DYRK3: variants seen among roughly 807,000 people sequenced by gnomAD.
DYRK3 encodes dual specificity tyrosine-phosphorylation-regulated kinase 3.
DYRK3 carries 30 observed loss-of-function variants against 40.8 expected under a neutral mutation model. The observed-to-expected ratio is 0.74, with a 90% CI of 0.55 to 1.00. The LOEUF (loss-of-function observed/expected upper bound fraction) is 1.00, where lower values mean the gene tolerates loss of function less well. Among genes scored for constraint, DYRK3 ranks in the 50% least tolerant of loss-of-function variants. DYRK3 has a pLI of 0.00. For synonymous variants in DYRK3, 272 were observed against 260.7 expected (o/e 1.04, Z -0.42); for missense variants, 699 against 731.5 (o/e 0.96, Z 0.51).
In DYRK3 at chr1:206,635,568, T is replaced by A; in HGVS notation, c.-136T>A. The A allele has an allele frequency of 4.4e-6, 5 of 1,125,264 alleles. No homozygotes were observed. The highest frequency in any genetic ancestry group is 4.5e-6 in the Non-Finnish European group (4 of 891,140). The allele number at this position is 1,125,264 out of a possible 1,614,324, so 69.7% of individuals were successfully genotyped here. A position where few individuals can be genotyped will look rare whatever the true frequency, so the allele number is the denominator to read the frequency against. On this transcript the variant is annotated 5_prime_UTR_variant, in exon 1 of 3. Coordinates refer to ENST00000367109, the MANE Select transcript of DYRK3 (RefSeq NM_003582.4). ...AGCCGGGGCCAGTCGGGAGCGAAAG[T>A]GCGCTGAGCTGCAGTGTCTGGTCGA...
Position 206,635,855 on chromosome 1 carries a change from G to C in DYRK3, c.77+75G>C, listed in dbSNP as rs201941906. The stretch of plus-strand genomic sequence containing the variant: ...GCGCTGGCAAGCGAAGCTTGGGGGT[G>C]GGGAGGAGGTAGAGTGAGCCCTCAG... On this transcript the variant is annotated intron_variant, in intron 1 of 2. Transcript: ENST00000367109. The C allele has an allele frequency of 9.4e-4, 1,165 of 1,240,846 alleles. 18 individuals carry two copies. In the African/African-American group the frequency reaches 0.017, roughly 18 times the overall value. The allele number at this position is 1,240,846 out of a possible 1,614,324, so 76.9% of individuals were successfully genotyped here. A position where few individuals can be genotyped will look rare whatever the true frequency, so the allele number is the denominator to read the frequency against.
intron 1 of DYRK3, 184 bp downstream of exon 1, chr1:206,635,964 T>A: frequency 7.5e-7 from 1 of 1,335,710 alleles, no homozygotes; most frequent in Non-Finnish European, 9.6e-7. Flanking sequence ...CCCCCATCCC[T>A]GTCTCACCGG....
chr1:206,655,041 A>G lies in DYRK3; in HGVS notation c.*6076A>G, dbSNP rs1416290432. 6.6e-6 allele frequency among the ~76,000 whole-genome samples: 1 copy of G among 152,172 alleles called. No homozygotes were observed. Among genetic ancestry groups the G allele is most frequent in the Non-Finnish European group, 1.5e-5 (1 of 68,040 alleles). ...ACTTTGGTGTCATGGGATTCTGTCC[A>G]TTGTCCGTTTGAGTCTGCTGACATG... is the stretch of plus-strand genomic sequence containing the variant. On this transcript the variant is annotated 3_prime_UTR_variant, in exon 3 of 3. Transcript: ENST00000367109.
intron 2 of DYRK3, among the ~76,000 whole-genome samples, chr1:206,642,787 AG>A (rs1266493838): frequency 1.3e-5 from 2 of 151,670 alleles, no homozygotes; most frequent in African/African-American, 4.8e-5. Flanking sequence ...GGGTGGGAGG[AG>A]GGGGGAGGGA....
At chr1:206,644,198 C>A (rs531483178) in intron 2 of DYRK3, among the ~76,000 whole-genome samples, 1 of 152,088 alleles carries the variant, frequency 6.6e-6, no homozygotes, top group East Asian at 1.9e-4. Flanking sequence ...CCACACCTGG[C>A]TAATTTTTGT....
intron 2 of DYRK3, among the ~76,000 whole-genome samples, chr1:206,639,245 C>G (rs1439297240): frequency 2.0e-5 from 3 of 152,084 alleles, no homozygotes; most frequent in African/African-American, 7.2e-5. Flanking sequence ...GGCTGGTCAC[C>G]CTATTTTTCG....
chr1:206,653,014 T>G lies in DYRK3; in HGVS notation c.*4049T>G, dbSNP rs1423239199. 1.3e-5 allele frequency among the ~76,000 whole-genome samples: 2 copies of G among 152,212 alleles called. No homozygotes were observed. The highest frequency in any genetic ancestry group is 2.9e-5 in the Non-Finnish European group (2 of 68,038). ...TTTTATTTCATTCCCCAAGTCATTT[T>G]TTCTTTTTCTTTATTTTTTCTTTTT... On this transcript the variant is annotated 3_prime_UTR_variant, in exon 3 of 3. Transcript: ENST00000367109.
At position 206,643,384 on chromosome 1, in the gene DYRK3, G is replaced by A. The variant is rs1248312130; in HGVS notation, c.190-4004G>A. Among the ~76,000 whole-genome samples, 3 of 152,276 alleles carry A rather than the reference G, an allele frequency of 2.0e-5. 1 individual carries two copies. The highest frequency in any genetic ancestry group is 7.2e-5 in the African/African-American group (3 of 41,554). On this transcript the variant is annotated intron_variant, in intron 2 of 2. Transcript: ENST00000367109. Reference sequence around the variant, plus strand: ...TCTATGGAAATTACATTTCTGATATGTATCTGTTCTTATTAATGTTGTGTA... The same window carrying A: ...TCTATGGAAATTACATTTCTGATATATATCTGTTCTTATTAATGTTGTGTA...
intron 2 of DYRK3, among the ~76,000 whole-genome samples, chr1:206,642,773 C>T (rs1465559859): frequency 6.6e-6 from 1 of 151,482 alleles, no homozygotes; most frequent in Non-Finnish European, 1.5e-5. Flanking sequence ...CAGGACCTGT[C>T]GTGGGGTGGG....
chr1:206,635,760 G>C lies in DYRK3; in HGVS notation c.57G>C (p.Gly19=), dbSNP rs1671081908. 4 of 1,244,516 alleles carry C rather than the reference G, an allele frequency of 3.2e-6. No homozygotes were observed. The highest frequency in any genetic ancestry group is 4.2e-5 in the Admixed American group (1 of 23,756). The allele number at this position is 1,244,516 out of a possible 1,614,324, so 77.1% of individuals were successfully genotyped here. The change falls in exon 1 of 3, where the codon GGG becomes GGC. Residue 19 remains glycine, a synonymous_variant. Transcript: ENST00000367109. The stretch of plus-strand genomic sequence containing the variant: ...AGGATGCGGGGCCGCCTGGGGCCGG[G>C]CTCCCGCCCCAGCAGCGGAGGTAAC... ...GRKDAGPPGA[G]LPPQQRRLGD...
chr1:206,649,693 C>T lies in DYRK3; in HGVS notation c.*728C>T, dbSNP rs1671579732. ...TATGCATCCCTCCTCCTTTCCTCTC[C>T]CATGCCCAAGGAAGATAAAACAGCT... is the stretch of plus-strand genomic sequence containing the variant. On this transcript the variant is annotated 3_prime_UTR_variant, in exon 3 of 3. Transcript: ENST00000367109. 6.6e-6 allele frequency among the ~76,000 whole-genome samples: 1 copy of T among 152,214 alleles called. No homozygotes were observed. Among genetic ancestry groups the T allele is most frequent in the African/African-American group, 2.4e-5 (1 of 41,450 alleles).
At chr1:206,644,031 C>CTTTTTTTTCTTTTTTTTTTT (rs1671374279) in intron 2 of DYRK3, among the ~76,000 whole-genome samples, 1 of 101,050 alleles carries the variant, frequency 9.9e-6, no homozygotes, top group African/African-American at 3.8e-5. Flanking sequence ...GGACCTACAG[C>CTTTTTTTTCTTTTTTTTTTT]TTTTTTTTTT....
chr1:206,637,663 G>A lies in DYRK3; in HGVS notation c.91G>A (p.Val31Ile), dbSNP rs781912948. Residue 31 changes from valine (V) to isoleucine (I), a missense_variant, in exon 2 of 3, where the codon GTC becomes ATC. Coordinates refer to ENST00000367109, the MANE Select transcript of DYRK3 (RefSeq NM_003582.4). ...CCTTTTAACTAGGTTGGGGGATGGT[G>A]TCTATGACACCTTCATGATGATAGA... ...PPQQRRLGDGVYDTFMMIDET... is the reference protein window; with the variant it reads ...PPQQRRLGDGIYDTFMMIDET... 27 of 1,613,320 alleles carry A rather than the reference G, an allele frequency of 1.7e-5. No individual in the cohort carries two copies. In the South Asian group the frequency reaches 3.0e-4, roughly 18 times the overall value.
chr1:206,642,115 A>G lies in DYRK3; in HGVS notation c.189+4354A>G, dbSNP rs143909601. ...CAAACAGCCCCATCAAAAAGTGGGC[A>G]AGGAATATGAACAGACACTTCTCAA... On this transcript the variant is annotated intron_variant, in intron 2 of 2. Transcript: ENST00000367109. 4.8e-3 allele frequency among the ~76,000 whole-genome samples: 729 copies of G among 150,764 alleles called. 63 individuals carry two copies. The highest frequency in any genetic ancestry group is 0.017 in the African/African-American group (681 of 40,472).
chr1:206,647,988 G>A lies in DYRK3; in HGVS notation c.790G>A (p.Asp264Asn), dbSNP rs199718118. Residue 264 changes from aspartate (D) to asparagine (N), a missense_variant, in exon 3 of 3, where the codon GAT becomes AAT. Asp to Asn is a conservative substitution (Grantham distance 23). Transcript: ENST00000367109. ...GATTTTGGAGCATCTTAAGAAACAG[G>A]ATAAAACTGGTAGTATGAACGTTAT... ...IRILEHLKKQDKTGSMNVIHM... is the reference protein window; with the variant it reads ...IRILEHLKKQNKTGSMNVIHM... 1 of 1,614,060 alleles carries A rather than the reference G, an allele frequency of 6.2e-7. No homozygotes were observed.
Position 206,649,301 on chromosome 1 carries a change from C to A in DYRK3, c.*336C>A. On this transcript the variant is annotated 3_prime_UTR_variant, in exon 3 of 3. Coordinates refer to ENST00000367109, the MANE Select transcript of DYRK3 (RefSeq NM_003582.4). ...GTGTAGCAAAAGTATCCCAACTACT[C>A]CTCGCTTCTAGTGTCCCTCGGCATC... The A allele has an allele frequency of 4.4e-6, 1 of 228,058 alleles. No homozygotes were observed. Among genetic ancestry groups the A allele is most frequent in the South Asian group, 5.9e-5 (1 of 16,960 alleles). The allele number at this position is 228,058 out of a possible 1,614,324, so 14.1% of individuals were successfully genotyped here. A position where few individuals can be genotyped will look rare whatever the true frequency, so the allele number is the denominator to read the frequency against.
chr1:206,640,387 C>G (rs1193680791), intron 2 of DYRK3, among the ~76,000 whole-genome samples: 1 of 152,038 alleles, frequency 6.6e-6, no homozygotes, highest in Admixed American at 6.6e-5. Context: ...TCAAGATGCT[C>G]CTACATTCTC....
chr1:206,635,660 C>T lies in DYRK3; in HGVS notation c.-44C>T, dbSNP rs1553418144. 3.2e-6 allele frequency: 4 copies of T among 1,244,658 alleles called. No individual in the cohort carries two copies. The highest frequency in any genetic ancestry group is 4.2e-5 in the Admixed American group (1 of 23,724). The allele number at this position is 1,244,658 out of a possible 1,614,324, so 77.1% of individuals were successfully genotyped here. A position where few individuals can be genotyped will look rare whatever the true frequency, so the allele number is the denominator to read the frequency against. Reference sequence around the variant, plus strand: ...GGCGTAGGTGGCGTGGCCGACCGGACCCCCAACTGGCGCCTCTCCCCGCGC... The same window carrying T: ...GGCGTAGGTGGCGTGGCCGACCGGATCCCCAACTGGCGCCTCTCCCCGCGC... On this transcript the variant is annotated 5_prime_UTR_variant, in exon 1 of 3. Coordinates refer to ENST00000367109, the MANE Select transcript of DYRK3 (RefSeq NM_003582.4).
chr1:206,638,607 AT>A (rs1301635478), intron 2 of DYRK3, among the ~76,000 whole-genome samples: 2 of 150,962 alleles, frequency 1.3e-5, no homozygotes, highest in Non-Finnish European at 3.0e-5. Context: ...GATAAAATTA[AT>A]TTGCATTCCT....
Sources: gnomAD v4.1 joint callset for allele counts (sites outside exome capture counted in the v4.1 genomes callset) on GRCh38, gnomAD v4.1.1 for gene constraint, MANE v1.5 for transcripts, NCBI Gene and HGNC (gene_info 2026-07-23, HGNC 2026-07-21) for gene names.